The following PEA15 variants were observed in gnomAD, a reference collection of about 807,000 sequenced individuals.
The protein encoded by PEA15 is astrocytic phosphoprotein PEA-15.
For synonymous variants in PEA15, 60 were observed against 61.8 expected (o/e 0.97, Z 0.13); for missense variants, 77 against 161.3 (o/e 0.48, Z 2.83).
intron 1 of PEA15, chr1:160,207,039 C>G (rs2101688583): frequency 6.6e-6 from 1 of 152,612 alleles, no homozygotes; most frequent in East Asian, 1.9e-4. Context: ...TCCTCACGCA[C>G]AATGTCATGA....
chr1:160,208,695 G>A lies in PEA15; in HGVS notation c.-2-2848G>A. The A allele has an allele frequency of 1.3e-6, 2 of 1,529,362 alleles. No homozygotes were observed. Among genetic ancestry groups the A allele is most frequent in the Non-Finnish European group, 1.8e-6 (2 of 1,127,782 alleles). The allele number at this position is 1,529,362 out of a possible 1,614,324, so 94.7% of individuals were successfully genotyped here. Reference sequence around the variant, plus strand: ...AACTGTTGATCAGTGAGAATTGAGAGCAGTTCCCCTAAACAACACTCCCTT... The same window carrying A: ...AACTGTTGATCAGTGAGAATTGAGAACAGTTCCCCTAAACAACACTCCCTT... On this transcript the variant is annotated intron_variant, in intron 1 of 3. Transcript: ENST00000360472. The surrounding 1 kb of genome is among the most constrained non-coding windows in gnomAD (Gnocchi z 4.1).
At chr1:160,212,205 G>C (rs955748815) in intron 2 of PEA15, among the ~76,000 whole-genome samples, 1 of 134,140 alleles carries the variant, frequency 7.5e-6, no homozygotes, top group African/African-American at 2.5e-5. Flanking sequence ...CTCACAGCTG[G>C]AGGCTTTAGG....
At position 160,215,298 on chromosome 1, in the gene PEA15, T is replaced by TATC. The variant is rs1037113633; in HGVS notation, c.*1813_*1815dup. 1 of 149,660 alleles carries TATC rather than the reference T, an allele frequency of 6.7e-6. No homozygotes were observed. Among genetic ancestry groups the TATC allele is most frequent in the African/African-American group, 2.6e-5 (1 of 39,036 alleles). 9.3% of individuals were successfully genotyped at this position (149,660 alleles called of 1,614,324 possible). A position where few individuals can be genotyped will look rare whatever the true frequency, so the allele number is the denominator to read the frequency against. On this transcript the variant is annotated 3_prime_UTR_variant, in exon 4 of 4. Coordinates refer to ENST00000360472, the MANE Select transcript of PEA15 (RefSeq NM_003768.5). ...CCTTATATTGCTGTGAGATTGCCCC[T>TATC]ATCTTGTGCTCTTCTGTCTGCAGTG...
intron 1 of PEA15, among the ~76,000 whole-genome samples, chr1:160,209,241 C>A (rs531447470): frequency 1.3e-5 from 2 of 152,286 alleles, no homozygotes; most frequent in South Asian, 4.1e-4. Context: ...CCCACAGATA[C>A]CCAGCCACTG....
chr1:160,205,833 G>C lies in PEA15; in HGVS notation c.-3+311G>C, dbSNP rs943105657. 1 of 152,076 alleles carries C rather than the reference G, an allele frequency of 6.6e-6. No individual in the cohort carries two copies. The highest frequency in any genetic ancestry group is 2.1e-4 in the South Asian group (1 of 4,812). The allele number at this position is 152,076 out of a possible 1,614,324, so 9.4% of individuals were successfully genotyped here. A position where few individuals can be genotyped will look rare whatever the true frequency, so the allele number is the denominator to read the frequency against. ...AGCCGGCTCGGCCAGGCCAGCGCCC[G>C]CCCCTCCCTCCCCGCTCAGGCTTCG... On this transcript the variant is annotated intron_variant, in intron 1 of 3. Transcript: ENST00000360472. The surrounding 1 kb of genome is among the most constrained non-coding windows in gnomAD (Gnocchi z 5.9).
chr1:160,206,841 G>C (rs1207128608), intron 1 of PEA15, among the ~76,000 whole-genome samples: 1 of 152,180 alleles, frequency 6.6e-6, no homozygotes, highest in African/African-American at 2.4e-5. Flanking sequence ...CAGGCTGTCA[G>C]AGCGATTAGC....
chr1:160,211,756 C>T, intron 2 of PEA15, 40 bp downstream of exon 2: 1 of 1,584,504 alleles, frequency 6.3e-7, no homozygotes, highest in Non-Finnish European at 8.6e-7. Flanking sequence ...ATCAGTCATT[C>T]AGGCTCAGTT....
At chr1:160,212,693 C>T (rs916657319) in intron 2 of PEA15, among the ~76,000 whole-genome samples, 2 of 144,798 alleles carry the variant, frequency 1.4e-5, no homozygotes, top group African/African-American at 5.1e-5. Flanking sequence ...CCTGGGTTGC[C>T]TAGAGATTCC....
Position 160,213,728 on chromosome 1 carries a change from C to A in PEA15, c.*242C>A, listed in dbSNP as rs1210223852. ...GGGGCTAGGGGAGGGGGCTGAGTTT[C>A]CCCACTTTAGGAGGAGGTGGGGGCT... On this transcript the variant is annotated 3_prime_UTR_variant, in exon 4 of 4. Transcript: ENST00000360472. This position sits in a 1 kb window ranked among gnomAD's most constrained non-coding sequence, Gnocchi z 5.3. The A allele has an allele frequency of 8.0e-6, 4 of 497,120 alleles. No homozygotes were observed. The East Asian group carries it at 1.4e-4, about 17-fold the overall frequency. The allele number at this position is 497,120 out of a possible 1,614,324, so 30.8% of individuals were successfully genotyped here. A position where few individuals can be genotyped will look rare whatever the true frequency, so the allele number is the denominator to read the frequency against.
At chr1:160,211,459 G>A in intron 1 of PEA15, 84 bp from the exon 2 acceptor site, 1 of 1,438,402 alleles carries the variant, frequency 7.0e-7, no homozygotes, top group Non-Finnish European at 9.4e-7. Flanking sequence ...GGCAGAGTGG[G>A]GAGTAGGAGG....
At chr1:160,211,503 T>G (rs748960472) in intron 1 of PEA15, 40 bp from the exon 2 acceptor site, 6 of 1,565,704 alleles carry the variant, frequency 3.8e-6, no homozygotes, top group Non-Finnish European at 4.3e-6. Context: ...CTCCATACCT[T>G]AAGCTCAACT....
chr1:160,208,001 G>T lies in PEA15; in HGVS notation c.-3+2479G>T, dbSNP rs530469409. On this transcript the variant is annotated intron_variant, in intron 1 of 3. Transcript: ENST00000360472. The surrounding 1 kb of genome is among the most constrained non-coding windows in gnomAD (Gnocchi z 4.1). ...GCTGCAACAGATGTGGAAGAGGGAC[G>T]GGCAGCAACTCTTAATCTTCAGGCT... is the stretch of plus-strand genomic sequence containing the variant. 6.6e-6 allele frequency among the ~76,000 whole-genome samples: 1 copy of T among 152,182 alleles called. No homozygotes were observed. The highest frequency in any genetic ancestry group is 2.4e-5 in the African/African-American group (1 of 41,450).
intron 1 of PEA15, among the ~76,000 whole-genome samples, chr1:160,207,496 C>T (rs2101689538): frequency 6.6e-6 from 1 of 152,290 alleles, no homozygotes; most frequent in Non-Finnish European, 1.5e-5. Flanking sequence ...GATGCCCCAT[C>T]TTGGGTCTGG....
chr1:160,213,535 C>A lies in PEA15; in HGVS notation c.*49C>A. 6.5e-7 allele frequency: 1 copy of A among 1,546,406 alleles called. No homozygotes were observed. Among genetic ancestry groups the A allele is most frequent in the South Asian group, 1.1e-5 (1 of 89,538 alleles). ...GGTTGGACCTTCATCAGACCACTCC[C>A]TTCCCCCATCCTCCAGGAGAGGGGG... On this transcript the variant is annotated 3_prime_UTR_variant, in exon 4 of 4. Coordinates refer to ENST00000360472, the MANE Select transcript of PEA15 (RefSeq NM_003768.5). This position sits in a 1 kb window ranked among gnomAD's most constrained non-coding sequence, Gnocchi z 5.3.
chr1:160,209,805 C>T (rs1654793268), intron 1 of PEA15, among the ~76,000 whole-genome samples: 1 of 152,174 alleles, frequency 6.6e-6, no homozygotes, highest in Non-Finnish European at 1.5e-5. Context: ...CTCCTTCTGT[C>T]CTTGGATTAT....
chr1:160,213,888 G>T lies in PEA15; in HGVS notation c.*402G>T, dbSNP rs901097232. On this transcript the variant is annotated 3_prime_UTR_variant, in exon 4 of 4. Transcript: ENST00000360472. The surrounding 1 kb of genome is among the most constrained non-coding windows in gnomAD (Gnocchi z 5.3). ...GAGCTGACATAGGGGTAAGGTATGG[G>T]AGAGGTAGGTGGATCCAGGGAAAAG... 12 of 210,122 alleles carry T rather than the reference G, an allele frequency of 5.7e-5. No homozygotes were observed. The highest frequency in any genetic ancestry group is 3.7e-4 in the Admixed American group (7 of 19,074). 13.0% of individuals were successfully genotyped at this position (210,122 alleles called of 1,614,324 possible).
In PEA15 at chr1:160,208,555, AT is replaced by A; in HGVS notation, c.-2-2985del. 1 of 1,493,864 alleles carries A rather than the reference AT, an allele frequency of 6.7e-7. No individual in the cohort carries two copies. The highest frequency in any genetic ancestry group is 9.1e-7 in the Non-Finnish European group (1 of 1,095,196). The allele number at this position is 1,493,864 out of a possible 1,614,324, so 92.5% of individuals were successfully genotyped here. On this transcript the variant is annotated intron_variant, in intron 1 of 3. Coordinates refer to ENST00000360472, the MANE Select transcript of PEA15 (RefSeq NM_003768.5). This position sits in a 1 kb window ranked among gnomAD's most constrained non-coding sequence, Gnocchi z 4.1. Reference sequence around the variant, plus strand: ...GGATTTTTCAGAGCCCAGAGAGCAGATTTCTCCACGAGCCCTAAGGAAATCT... The same window carrying A: ...GGATTTTTCAGAGCCCAGAGAGCAGATTCTCCACGAGCCCTAAGGAAATCT...
intron 1 of PEA15, among the ~76,000 whole-genome samples, chr1:160,210,082 A>G (rs1006908266): frequency 6.6e-6 from 1 of 152,082 alleles, no homozygotes; most frequent in African/African-American, 2.4e-5. Context: ...AGGCTTGTTT[A>G]TTCTGGTCCA....
intron 1 of PEA15, 110 bp from the exon 2 acceptor site, chr1:160,211,433 G>T: frequency 7.2e-7 from 1 of 1,388,220 alleles, no homozygotes. Context: ...CCATGTTCCA[G>T]GCACATGCCT....
Sources: allele counts gnomAD v4.1 joint callset (sites outside exome capture counted in the v4.1 genomes callset), GRCh38; gene constraint gnomAD v4.1.1; non-coding constraint Gnocchi (gnomAD v3.1); transcripts MANE v1.5; gene names NCBI Gene and HGNC (gene_info 2026-07-23, HGNC 2026-07-21).